CLSTN1: variants seen among roughly 807,000 people sequenced by gnomAD.
CLSTN1 encodes the protein calsyntenin-1.
CLSTN1 carries 28 observed loss-of-function variants against 108.3 expected under a neutral mutation model. The observed-to-expected ratio is 0.26, with a 90% CI of 0.19 to 0.35. The LOEUF (loss-of-function observed/expected upper bound fraction) is 0.35. Ranked by LOEUF, CLSTN1 falls within the 10% of genes least tolerant of loss-of-function variation. The pLI is 1.00. For synonymous variants in CLSTN1, 524 were observed against 534.9 expected (o/e 0.98, Z 0.28); for missense variants, 1,157 against 1,302.6 (o/e 0.89, Z 1.72).
intron 1 of CLSTN1, among the ~76,000 whole-genome samples, chr1:9,794,977 A>G (rs1415126892): frequency 6.6e-6 from 1 of 150,768 alleles, no homozygotes; most frequent in African/African-American, 2.4e-5. Flanking sequence ...AAATACTGTC[A>G]CCAACTGACT....
At position 9,731,786 on chromosome 1, in the gene CLSTN1, G is replaced by A. The variant is rs1011932036; in HGVS notation, c.2538C>T (p.Asn846=). 2.5e-6 allele frequency: 4 copies of A among 1,614,224 alleles called. No homozygotes were observed. The highest frequency in any genetic ancestry group is 2.5e-6 in the Non-Finnish European group (3 of 1,180,044). ...CTGCGAACGGGTGGGGGTTGGCCAG[G>A]TTGTGGCCTGACAGGTCAACAAAGG... The part of the protein sequence containing the change: ...HRSFVDLSGH[N]LANPHPFAVV... Residue 846 remains asparagine, a synonymous_variant, in exon 17 of 19, where the codon AAC becomes AAT. Transcript: ENST00000377298.
At chr1:9,775,519 T>A (rs1373166013) in intron 1 of CLSTN1, among the ~76,000 whole-genome samples, 1 of 152,048 alleles carries the variant, frequency 6.6e-6, no homozygotes, top group African/African-American at 2.4e-5. Context: ...AGTGTCGATG[T>A]CAGACGTCCT....
chr1:9,793,984 T>A (rs1265396648), intron 1 of CLSTN1, among the ~76,000 whole-genome samples: 1 of 151,354 alleles, frequency 6.6e-6, no homozygotes, highest in Non-Finnish European at 1.5e-5. Context: ...GGGTTAGAAC[T>A]CTCCCGCTCC....
intron 1 of CLSTN1, among the ~76,000 whole-genome samples, chr1:9,792,041 C>G (rs534110103): frequency 6.6e-6 from 1 of 150,740 alleles, no homozygotes; most frequent in Non-Finnish European, 1.5e-5. Flanking sequence ...CCCAGCTACT[C>G]GGGAGGCTGG....
At chr1:9,810,101 G>A (rs1654672630) in intron 1 of CLSTN1, among the ~76,000 whole-genome samples, 3 of 2,408 alleles carry the variant, frequency 1.2e-3, no homozygotes, top group Non-Finnish European at 3.1e-3. Context: ...AGGAGGGAGG[G>A]AGGGAGAGAG....
At position 9,734,751 on chromosome 1, in the gene CLSTN1, A is replaced by AC. The variant is rs999781284; in HGVS notation, c.2110+196dup. Among the ~76,000 whole-genome samples, 1 of 151,820 alleles carries AC rather than the reference A, an allele frequency of 6.6e-6. No individual in the cohort carries two copies. Among genetic ancestry groups the AC allele is most frequent in the Non-Finnish European group, 1.5e-5 (1 of 67,968 alleles). On this transcript the variant is annotated intron_variant, in intron 14 of 18. Transcript: ENST00000377298. The surrounding 1 kb of genome is among the most constrained non-coding windows in gnomAD (Gnocchi z 4.8). ...GGCAGCAACCAGGAAAAGATGTAAG[A>AC]CCCCTCCAGATGGGATTCCAGAGAT...
At chr1:9,753,282 C>T (rs1048553493) in intron 4 of CLSTN1, among the ~76,000 whole-genome samples, 15 of 152,288 alleles carry the variant, frequency 9.8e-5, no homozygotes, top group African/African-American at 3.6e-4. Flanking sequence ...TGCTCACTCG[C>T]TCACATGCTG....
intron 2 of CLSTN1, among the ~76,000 whole-genome samples, chr1:9,765,986 TAACCCC>T (rs1652311467): frequency 6.6e-6 from 1 of 152,128 alleles, no homozygotes; most frequent in African/African-American, 2.4e-5. Flanking sequence ...ATGCAGCAGT[TAACCCC>T]ACTGGCCACC....
intron 1 of CLSTN1, among the ~76,000 whole-genome samples, chr1:9,800,656 G>A (rs1012765214): frequency 6.6e-6 from 1 of 151,124 alleles, no homozygotes; most frequent in African/African-American, 2.4e-5. Flanking sequence ...CGTGAACCCA[G>A]GAAGCGGACC....
intron 2 of CLSTN1, among the ~76,000 whole-genome samples, chr1:9,758,004 T>TGGGG (rs368090735): frequency 7.3e-6 from 1 of 136,930 alleles, no homozygotes; most frequent in African/African-American, 2.7e-5. Flanking sequence ...TTGTTTGTTT[T>TGGGG]GGGGGGGGGT....
chr1:9,794,664 C>T (rs534785897), intron 1 of CLSTN1, among the ~76,000 whole-genome samples: 37 of 151,466 alleles, frequency 2.4e-4, no homozygotes, highest in African/African-American at 7.2e-4. Flanking sequence ...CAACCAGGGA[C>T]GTGCCATGAT....
At chr1:9,805,645 TCA>T (rs1178361036) in intron 1 of CLSTN1, among the ~76,000 whole-genome samples, 1 of 152,106 alleles carries the variant, frequency 6.6e-6, no homozygotes, top group African/African-American at 2.4e-5. Context: ...GGCAAGTGGA[TCA>T]CCTGAGGTCA....
Position 9,749,363 on chromosome 1 carries a change from A to G in CLSTN1, c.985+98T>C, listed in dbSNP as rs1651436792. ...AAATGCAGATTCTCTGTCACAGTTT[A>G]TAATTATGAACACAACACACACAAG... is the stretch of plus-strand genomic sequence containing the variant. On this transcript the variant is annotated intron_variant, in intron 7 of 18. Transcript: ENST00000377298. The G allele has an allele frequency of 6.0e-6, 7 of 1,162,772 alleles. No homozygotes were observed. The South Asian group carries it at 9.4e-5, about 16-fold the overall frequency. 72.0% of individuals were successfully genotyped at this position (1,162,772 alleles called of 1,614,324 possible).
chr1:9,740,524 C>T (rs1650925197), intron 10 of CLSTN1, among the ~76,000 whole-genome samples: 1 of 152,194 alleles, frequency 6.6e-6, no homozygotes, highest in Admixed American at 6.5e-5. Flanking sequence ...ACACAGCCTG[C>T]CACTTGGTAA....
rs138476299 is a variant in CLSTN1 at position 9,780,618 on chromosome 1, A to G, written c.92-7224T>C. On this transcript the variant is annotated intron_variant, in intron 1 of 18. Transcript: ENST00000377298. ...TGAACTTTTAAATATTTAATGAGTGATATTTTTAATATTTCATCACATTCA... is the reference window on the plus strand; with the variant it reads ...TGAACTTTTAAATATTTAATGAGTGGTATTTTTAATATTTCATCACATTCA... Among the ~76,000 whole-genome samples the G allele has an allele frequency of 2.4e-3, 365 of 152,348 alleles. 3 individuals carry two copies. Among genetic ancestry groups the G allele is most frequent in the African/African-American group, 8.4e-3 (349 of 41,596 alleles).
At chr1:9,764,296 C>T (rs916134969) in intron 2 of CLSTN1, among the ~76,000 whole-genome samples, 5 of 152,124 alleles carry the variant, frequency 3.3e-5, no homozygotes, top group African/African-American at 1.2e-4. Context: ...AGGATTCACC[C>T]CCTGTGACCC....
chr1:9,732,791 G>A (rs1028315864), intron 16 of CLSTN1, among the ~76,000 whole-genome samples: 1 of 152,240 alleles, frequency 6.6e-6, no homozygotes, highest in Non-Finnish European at 1.5e-5. Flanking sequence ...GTCCCTGCGT[G>A]AGCCCCTCTC....
intron 2 of CLSTN1, among the ~76,000 whole-genome samples, chr1:9,764,870 A>G (rs529742322): frequency 6.6e-6 from 1 of 152,108 alleles, no homozygotes; most frequent in African/African-American, 2.4e-5. Flanking sequence ...CATCTCTGGA[A>G]AACCTAGCAT....
intron 2 of CLSTN1, among the ~76,000 whole-genome samples, chr1:9,759,435 C>G (rs1246076995): frequency 6.6e-6 from 1 of 152,174 alleles, no homozygotes; most frequent in East Asian, 1.9e-4. Context: ...GCCACCACAC[C>G]TGGCTAATTT....
Sources: allele counts gnomAD v4.1 joint callset (sites outside exome capture counted in the v4.1 genomes callset), GRCh38; gene constraint gnomAD v4.1.1; non-coding constraint Gnocchi (gnomAD v3.1); transcripts MANE v1.5; gene names NCBI Gene and HGNC (gene_info 2026-07-23, HGNC 2026-07-21).